The following ETS1 variants were observed in gnomAD, a reference collection of about 807,000 sequenced individuals.
ETS1 encodes the protein ETS proto-oncogene 1, transcription factor.
ETS1 carries 15 observed loss-of-function variants against 58.6 expected under a neutral mutation model. The observed-to-expected ratio is 0.26, with a 90% confidence interval of 0.17 to 0.39. ETS1 has a LOEUF of 0.39. Among genes scored for constraint, ETS1 ranks in the 10% least tolerant of loss-of-function variants. The pLI, the probability that ETS1 is intolerant of heterozygous loss-of-function variation, is 1.00. For missense variants in ETS1, 417 were observed against 610.5 expected (o/e 0.68, Z 3.34); for synonymous variants, 214 against 218.2 (o/e 0.98, Z 0.17).
intron 8 of ETS1, 72 bp downstream of exon 8, chr11:128,480,119 A>G: frequency 6.3e-7 from 1 of 1,579,508 alleles, no homozygotes; most frequent in Admixed American, 1.7e-5. Context: ...TCAGAGGTGC[A>G]GAGTGCCTTC....
chr11:128,519,977 A>C (rs1387296366), intron 3 of ETS1, among the ~76,000 whole-genome samples: 1 of 152,244 alleles, frequency 6.6e-6, no homozygotes, highest in Admixed American at 6.5e-5. Context: ...TGAATGGCAG[A>C]AGACTGCCCA....
At chr11:128,550,317 G>A (rs1864209387) in intron 3 of ETS1, among the ~76,000 whole-genome samples, 1 of 152,230 alleles carries the variant, frequency 6.6e-6, no homozygotes, top group South Asian at 2.1e-4. Flanking sequence ...AAGCTACCAA[G>A]GCAGCAGGAG....
chr11:128,556,295 G>C lies in ETS1; in HGVS notation c.210C>G (p.Val70=). The change falls in exon 3 of 10, where the codon GTC becomes GTG. Residue 70 remains valine (V), a synonymous_variant. Transcript: ENST00000392668. ...AGCTTTTGTTTATGTTCCTACCTGA[G>C]ACACAGTGTTCAAGACCAGTAGGAA... ...QEVPTGLEHC[V]SDMECADVPL... is the part of the protein sequence containing the mutation. 6.2e-7 allele frequency: 1 copy of C among 1,609,282 alleles called. No individual in the cohort carries two copies.
chr11:128,567,552 T>G (rs1864528503), intron 2 of ETS1, among the ~76,000 whole-genome samples: 1 of 152,258 alleles, frequency 6.6e-6, no homozygotes. Context: ...GACCATGTTT[T>G]AAGAGAATCA....
At chr11:128,570,829 A>G (rs1864611702) in intron 2 of ETS1, among the ~76,000 whole-genome samples, 1 of 152,210 alleles carries the variant, frequency 6.6e-6, no homozygotes, top group South Asian at 2.1e-4. Context: ...CTTAAACTGC[A>G]AGTCCTTTGG....
At position 128,556,246 on chromosome 11, in the gene ETS1, T is replaced by C. The variant is rs532692305; in HGVS notation, c.214+45A>G. 1.4e-5 allele frequency: 22 copies of C among 1,539,228 alleles called. No homozygotes were observed. In the South Asian group the frequency reaches 2.4e-4, roughly 17 times the overall value. On this transcript the variant is annotated intron_variant, in intron 3 of 9. Transcript: ENST00000392668. ...TGCAGCCCTCATCACATTTCCATTG[T>C]CCTTCAACTCTATCCTCATTCCCAG...
At chr11:128,587,324 G>A (rs1042561847) in intron 1 of ETS1, among the ~76,000 whole-genome samples, 164 bp downstream of exon 1, 1 of 152,138 alleles carries the variant, frequency 6.6e-6, no homozygotes, top group Non-Finnish European at 1.5e-5. Flanking sequence ...TTTGAAAATT[G>A]TTAAACAATT....
At chr11:128,470,902 T>C (rs1862170822) in intron 8 of ETS1, among the ~76,000 whole-genome samples, 1 of 152,242 alleles carries the variant, frequency 6.6e-6, no homozygotes, top group Non-Finnish European at 1.5e-5. Context: ...CTTGTTCCCA[T>C]GTTAAAAGTG....
chr11:128,505,296 G>T (rs1380981201), intron 3 of ETS1: 1 of 152,188 alleles, frequency 6.6e-6, no homozygotes, highest in Non-Finnish European at 1.5e-5. Context: ...AATATCAGGG[G>T]CACTGGCCAG....
intron 1 of ETS1, among the ~76,000 whole-genome samples, chr11:128,574,771 G>A (rs1447553645): frequency 6.6e-6 from 1 of 152,136 alleles, no homozygotes; most frequent in Admixed American, 6.6e-5. Flanking sequence ...TTAAAGTCCT[G>A]ATGAATCATC....
intron 8 of ETS1, among the ~76,000 whole-genome samples, chr11:128,471,240 G>A (rs2135422983): frequency 6.6e-6 from 1 of 152,354 alleles, no homozygotes; most frequent in Non-Finnish European, 1.5e-5. Flanking sequence ...AAGACCAGGT[G>A]GCTGGCAACT....
At chr11:128,563,243 C>G (rs1046478778) in intron 2 of ETS1, among the ~76,000 whole-genome samples, 2 of 152,154 alleles carry the variant, frequency 1.3e-5, no homozygotes, top group South Asian at 4.1e-4. Context: ...ATGTAAGACA[C>G]TATACATATT....
rs929120832 is a variant in ETS1, at chr11:128,549,195, G to A, written c.214+7096C>T. Among the ~76,000 whole-genome samples, 3 of 152,166 alleles carry A rather than the reference G, an allele frequency of 2.0e-5. No individual in the cohort carries two copies. The highest frequency in any genetic ancestry group is 4.8e-5 in the African/African-American group (2 of 41,450). On this transcript the variant is annotated intron_variant, in intron 3 of 9. Coordinates refer to ENST00000392668, the MANE Select transcript of ETS1 (RefSeq NM_001143820.2). The surrounding 1 kb of genome is among the most constrained non-coding windows in gnomAD (Gnocchi z 4.3). Reference sequence around the variant, plus strand: ...GGAGAGAGAGCCCGTGTCTCTAGGCGGCCAGACACAGCACTACAGGCTGTC... The same window carrying A: ...GGAGAGAGAGCCCGTGTCTCTAGGCAGCCAGACACAGCACTACAGGCTGTC...
chr11:128,479,521 T>G (rs1862423432), intron 8 of ETS1, among the ~76,000 whole-genome samples: 1 of 152,262 alleles, frequency 6.6e-6, no homozygotes, highest in South Asian at 2.1e-4. Flanking sequence ...TTTGCTCTAC[T>G]ACCAGAGTCT....
chr11:128,518,369 A>G (rs1356162892), intron 3 of ETS1, among the ~76,000 whole-genome samples: 1 of 152,250 alleles, frequency 6.6e-6, no homozygotes, highest in Non-Finnish European at 1.5e-5. Context: ...TACACTGATC[A>G]GGATCATTTT....
intron 3 of ETS1, among the ~76,000 whole-genome samples, chr11:128,524,501 T>G (rs1051574184): frequency 1.3e-5 from 2 of 152,226 alleles, no homozygotes; most frequent in African/African-American, 4.8e-5. Flanking sequence ...TGAAGAGCAC[T>G]AATAAGGTCA....
intron 8 of ETS1, among the ~76,000 whole-genome samples, chr11:128,473,889 C>T (rs191617423): frequency 9.7e-4 from 147 of 152,288 alleles, no homozygotes; most frequent in African/African-American, 3.0e-3. Context: ...GGGGAGTTTC[C>T]GAGGCCTGTT....
chr11:128,512,010 A>G (rs1863405670), intron 3 of ETS1, among the ~76,000 whole-genome samples: 1 of 152,246 alleles, frequency 6.6e-6, no homozygotes, highest in African/African-American at 2.4e-5. Flanking sequence ...AAGATGAACT[A>G]GCAAACAATA....
intron 8 of ETS1, among the ~76,000 whole-genome samples, chr11:128,474,818 G>A (rs1862278876): frequency 6.6e-6 from 1 of 152,180 alleles, no homozygotes; most frequent in South Asian, 2.1e-4. Flanking sequence ...AGCAAGAAAG[G>A]GAAGACACTC....
Sources: gnomAD v4.1 joint callset for allele counts (sites outside exome capture counted in the v4.1 genomes callset) on GRCh38, gnomAD v4.1.1 for gene constraint, Gnocchi (gnomAD v3.1) non-coding constraint, MANE v1.5 for transcripts, NCBI Gene and HGNC (gene_info 2026-07-23, HGNC 2026-07-21) for gene names.